Variants in OARD1 observed in about 807,000 individuals in gnomAD.
OARD1 encodes ADP-ribose glycohydrolase OARD1.
Under a neutral mutation model 19.7 loss-of-function variants are expected in OARD1, and 19 were observed. That is an observed-to-expected ratio of 0.96 (90% CI 0.67 to 1.41). The LOEUF (loss-of-function observed/expected upper bound fraction) is 1.41, where lower values mean the gene tolerates loss of function less well. OARD1 is among the 40% of genes most tolerant of loss of function. The pLI, the probability that OARD1 is intolerant of heterozygous loss-of-function variation, is 0.00. For missense variants in OARD1, 190 were observed against 183.8 expected (o/e 1.03, Z -0.20); for synonymous variants, 70 against 61.8 (o/e 1.13, Z -0.62).
chr6:41,089,034 G>A (rs770748698), intron 1 of OARD1, among the ~76,000 whole-genome samples: 17 of 152,124 alleles, frequency 1.1e-4, no homozygotes, highest in Non-Finnish European at 2.1e-4. Flanking sequence ...CGCCCAGGCT[G>A]GAGTGCAGTG....
At chr6:41,091,664 C>A in intron 1 of OARD1, 1 of 1,614,110 alleles carries the variant, frequency 6.2e-7, no homozygotes, top group East Asian at 2.2e-5. Flanking sequence ...CAGTGGCAGG[C>A]AATGTGGTCA....
intron 4 of OARD1, chr6:41,069,570 C>A: frequency 5.6e-6 from 1 of 177,942 alleles, no homozygotes; most frequent in Non-Finnish European, 1.2e-5. Context: ...CTTTCAGGGA[C>A]CAAATGCCAT....
At chr6:41,097,112 G>A (rs1384586126) in intron 1 of OARD1, among the ~76,000 whole-genome samples, 2 of 152,146 alleles carry the variant, frequency 1.3e-5, no homozygotes, top group Non-Finnish European at 2.9e-5. Flanking sequence ...TACACTAACA[G>A]CCCTGCAGTG....
chr6:41,084,853 T>G (rs2113802121), intron 1 of OARD1, among the ~76,000 whole-genome samples: 1 of 152,234 alleles, frequency 6.6e-6, no homozygotes, highest in Non-Finnish European at 1.5e-5. Flanking sequence ...TCCCAGCTAC[T>G]TGGGGGGTTG....
chr6:41,082,544 A>C (rs1369768855), intron 1 of OARD1, among the ~76,000 whole-genome samples: 1 of 152,232 alleles, frequency 6.6e-6, no homozygotes, highest in African/African-American at 2.4e-5. Context: ...TAAGATGATG[A>C]ATAGATAGAA....
chr6:41,094,300 G>A (rs1049983627), intron 1 of OARD1: 1 of 1,016,674 alleles, frequency 9.8e-7, no homozygotes, highest in Non-Finnish European at 1.5e-6. Context: ...TTTGATCCCA[G>A]CTGTCTTAAA....
At chr6:41,080,960 C>A in intron 1 of OARD1, 1 of 1,352,796 alleles carries the variant, frequency 7.4e-7, no homozygotes, top group Non-Finnish European at 1.1e-6. Context: ...ATGTCTGGTG[C>A]TGTTTGTGTT....
At chr6:41,090,573 GA>G (rs1764173697) in intron 1 of OARD1, among the ~76,000 whole-genome samples, 1 of 152,206 alleles carries the variant, frequency 6.6e-6, no homozygotes, top group South Asian at 2.1e-4. Context: ...TTTCTAAACA[GA>G]AGAATAGAAA....
At chr6:41,091,345 G>T (rs1764192905) in intron 1 of OARD1, among the ~76,000 whole-genome samples, 1 of 152,140 alleles carries the variant, frequency 6.6e-6, no homozygotes. Flanking sequence ...TTCAAAGATT[G>T]TGATTACTTA....
At chr6:41,084,933 G>C (rs1582027981) in intron 1 of OARD1, among the ~76,000 whole-genome samples, 1 of 152,144 alleles carries the variant, frequency 6.6e-6, no homozygotes, top group East Asian at 1.9e-4. Flanking sequence ...TGCACTCCAG[G>C]CTGGGCACCA....
chr6:41,089,982 A>G (rs987737081), intron 1 of OARD1, among the ~76,000 whole-genome samples: 22 of 152,228 alleles, frequency 1.4e-4, no homozygotes, highest in African/African-American at 5.3e-4. Flanking sequence ...ATGGTGGCGC[A>G]TGCCTGTAAT....
intron 1 of OARD1, among the ~76,000 whole-genome samples, chr6:41,078,554 C>T (rs557623795): frequency 6.6e-6 from 1 of 152,162 alleles, no homozygotes; most frequent in East Asian, 1.9e-4. Context: ...CTAATTGTAT[C>T]CTTATTTTTA....
At chr6:41,085,045 A>G (rs964498884) in intron 1 of OARD1, among the ~76,000 whole-genome samples, 4 of 152,222 alleles carry the variant, frequency 2.6e-5, no homozygotes, top group South Asian at 2.1e-4. Context: ...GATATTTCTC[A>G]TCGAGATGGC....
intron 1 of OARD1, among the ~76,000 whole-genome samples, chr6:41,097,185 TTTCC>T (rs1266844185): frequency 6.6e-6 from 1 of 152,242 alleles, no homozygotes; most frequent in Non-Finnish European, 1.5e-5. Flanking sequence ...TTGTCTCTTC[TTTCC>T]TAATGGGGCT....
chr6:41,091,671 G>A, intron 1 of OARD1: 3 of 1,614,154 alleles, frequency 1.9e-6, no homozygotes, highest in South Asian at 1.1e-5. Flanking sequence ...AGGCAATGTG[G>A]TCAATTCAGG....
intron 1 of OARD1, among the ~76,000 whole-genome samples, chr6:41,087,682 A>G (rs539129016): frequency 1.3e-5 from 2 of 152,168 alleles, no homozygotes; most frequent in South Asian, 2.1e-4. Flanking sequence ...ATTTTGAGCT[A>G]TGGGGCTCTC....
chr6:41,094,320 A>G, intron 1 of OARD1: 4 of 1,251,460 alleles, frequency 3.2e-6, no homozygotes, highest in Non-Finnish European at 4.6e-6. Flanking sequence ...ACTTTGGAGA[A>G]TGGAATTTGT....
At chr6:41,097,231 G>T in intron 1 of OARD1, 1 of 798,346 alleles carries the variant, frequency 1.3e-6, no homozygotes, top group South Asian at 1.6e-5. Context: ...GACTTAAGAT[G>T]TATTACAAGC....
At chr6:41,078,002 CA>C (rs1403994339) in intron 1 of OARD1, among the ~76,000 whole-genome samples, 2 of 151,968 alleles carry the variant, frequency 1.3e-5, no homozygotes, top group African/African-American at 4.8e-5. Context: ...AAGAATTTCT[CA>C]AAATTCTTAT....
Sources: gnomAD v4.1 joint callset for allele counts (sites outside exome capture counted in the v4.1 genomes callset) on GRCh38, gnomAD v4.1.1 for gene constraint, MANE v1.5 for transcripts, NCBI Gene and HGNC (gene_info 2026-07-23, HGNC 2026-07-21) for gene names.